MAGI1: variants seen among roughly 807,000 people sequenced by gnomAD.
MAGI1 encodes membrane-associated guanylate kinase, WW and PDZ domain-containing protein 1.
A neutral mutation model predicts 139.9 loss-of-function variants in MAGI1; 58 were observed. That is an observed-to-expected ratio of 0.41 (90% CI 0.34 to 0.52). MAGI1 has a LOEUF of 0.52. Ranked by LOEUF, MAGI1 falls within the 20% of genes least tolerant of loss-of-function variation. The pLI is 0.12. For synonymous variants in MAGI1, 812 were observed against 737.9 expected (o/e 1.10, Z -1.63); for missense variants, 1,874 against 1,901.6 (o/e 0.99, Z 0.27).
At chr3:65,449,958 A>C (rs1220846784) in intron 6 of MAGI1, among the ~76,000 whole-genome samples, 1 of 152,224 alleles carries the variant, frequency 6.6e-6, no homozygotes, top group Non-Finnish European at 1.5e-5. Context: ...AAGGATATGC[A>C]AAGTTTAATG....
intron 5 of MAGI1, among the ~76,000 whole-genome samples, chr3:65,455,199 T>A (rs1350654397): frequency 6.6e-6 from 1 of 152,094 alleles, no homozygotes; most frequent in Non-Finnish European, 1.5e-5. Flanking sequence ...CTAGAACCCA[T>A]CAATAATAAC....
intron 1 of MAGI1, among the ~76,000 whole-genome samples, chr3:65,845,259 AAAAGAG>A (rs970960212): frequency 4.6e-5 from 7 of 151,964 alleles, no homozygotes; most frequent in African/African-American, 9.7e-5. Flanking sequence ...CTCAAAAAAA[AAAAGAG>A]AAGAGAAGAG....
At chr3:65,580,907 CAG>C (rs2081388170) in intron 2 of MAGI1, among the ~76,000 whole-genome samples, 1 of 152,130 alleles carries the variant, frequency 6.6e-6, no homozygotes, top group Admixed American at 6.5e-5. Flanking sequence ...TCAAAATACC[CAG>C]AGTTAAACAA....
intron 1 of MAGI1, among the ~76,000 whole-genome samples, chr3:66,004,356 G>C (rs1170244211): frequency 6.6e-6 from 1 of 152,184 alleles, no homozygotes; most frequent in East Asian, 1.9e-4. Context: ...CGCATGTCTA[G>C]AGGTTGACAC....
chr3:65,741,583 C>T (rs1222652891), intron 1 of MAGI1, among the ~76,000 whole-genome samples: 1 of 152,200 alleles, frequency 6.6e-6, no homozygotes, highest in African/African-American at 2.4e-5. Flanking sequence ...TACAAAAGAA[C>T]TTAAAAACCT....
intron 1 of MAGI1, among the ~76,000 whole-genome samples, chr3:65,778,875 G>C (rs933776290): frequency 6.6e-6 from 1 of 152,226 alleles, no homozygotes; most frequent in Non-Finnish European, 1.5e-5. Flanking sequence ...ACCAGGGACA[G>C]TTATACCCCC....
At chr3:65,495,382 T>C (rs1952352195) in intron 2 of MAGI1, among the ~76,000 whole-genome samples, 1 of 152,214 alleles carries the variant, frequency 6.6e-6, no homozygotes, top group South Asian at 2.1e-4. Context: ...AATGAATTGA[T>C]AGAATCTTAC....
intron 5 of MAGI1, among the ~76,000 whole-genome samples, chr3:65,466,327 T>C (rs1364710615): frequency 6.6e-6 from 1 of 152,172 alleles, no homozygotes; most frequent in Non-Finnish European, 1.5e-5. Context: ...ATGGATTTTT[T>C]GGTATTACAT....
intron 7 of MAGI1, among the ~76,000 whole-genome samples, chr3:65,445,745 T>C (rs1948636448): frequency 6.6e-6 from 1 of 152,186 alleles, no homozygotes; most frequent in Non-Finnish European, 1.5e-5. Flanking sequence ...ATGGAGCAAC[T>C]GACCCAGCTC....
At chr3:65,517,775 T>C (rs1035779338) in intron 2 of MAGI1, among the ~76,000 whole-genome samples, 9 of 152,238 alleles carry the variant, frequency 5.9e-5, no homozygotes, top group Middle Eastern at 3.4e-3. Context: ...CCAAACTCTT[T>C]ATTTTGATCC....
In MAGI1 at chr3:65,530,674, C is replaced by CAT. The variant is rs754462110; in HGVS notation, c.431-37045_431-37044dup. On this transcript the variant is annotated intron_variant, in intron 2 of 22. Coordinates refer to ENST00000402939, the MANE Select transcript of MAGI1 (RefSeq NM_001033057.2). ...GTGTGTGTGTGTGTATATATATATA[C>CAT]ATATATATATACGTGTATATATATA... 6.2e-3 allele frequency among the ~76,000 whole-genome samples: 766 copies of CAT among 123,170 alleles called. 51 individuals are homozygous for CAT. Among genetic ancestry groups the CAT allele is most frequent in the Admixed American group, 0.06 (673 of 11,224 alleles). 80.8% of individuals were successfully genotyped at this position (123,170 alleles called of 152,430 possible).
intron 1 of MAGI1, among the ~76,000 whole-genome samples, chr3:65,691,866 G>A (rs1477603842): frequency 6.6e-6 from 1 of 152,160 alleles, no homozygotes; most frequent in Non-Finnish European, 1.5e-5. Context: ...AGGAAAATAA[G>A]TGCTTAAACC....
At chr3:65,986,809 T>C (rs57242204) in intron 1 of MAGI1, among the ~76,000 whole-genome samples, 16 of 152,190 alleles carry the variant, frequency 1.1e-4, no homozygotes, top group Admixed American at 2.6e-4. Context: ...TTGAGAATAA[T>C]GTAATTTTTA....
intron 1 of MAGI1, among the ~76,000 whole-genome samples, chr3:65,948,299 G>A (rs1247583371): frequency 6.6e-6 from 1 of 152,104 alleles, no homozygotes; most frequent in Admixed American, 6.6e-5. Context: ...CTCTGCCCTG[G>A]AATATTATAA....
chr3:65,998,121 A>C (rs1449173527), intron 1 of MAGI1, among the ~76,000 whole-genome samples: 1 of 151,774 alleles, frequency 6.6e-6, no homozygotes, highest in Non-Finnish European at 1.5e-5. Context: ...AAAAAAAAAA[A>C]CAAACAGTAG....
chr3:65,509,833 G>A (rs970743864), intron 2 of MAGI1, among the ~76,000 whole-genome samples: 2 of 152,080 alleles, frequency 1.3e-5, no homozygotes, highest in African/African-American at 4.8e-5. Context: ...GCCTCTGTAG[G>A]CTCCACCTCT....
intron 1 of MAGI1, among the ~76,000 whole-genome samples, chr3:65,689,630 C>T (rs948831971): frequency 1.3e-5 from 2 of 152,174 alleles, no homozygotes; most frequent in African/African-American, 4.8e-5. Context: ...GGGCTGGTTA[C>T]AGTTACATCG....
At chr3:65,984,637 C>T (rs1455463285) in intron 1 of MAGI1, among the ~76,000 whole-genome samples, 3 of 151,072 alleles carry the variant, frequency 2.0e-5, no homozygotes, top group Non-Finnish European at 2.9e-5. Context: ...TTAAGTGATC[C>T]TCCCACTTCA....
intron 4 of MAGI1, among the ~76,000 whole-genome samples, chr3:65,477,717 T>TATTATTATTATTATTA (rs370763213): frequency 1.6e-5 from 2 of 124,416 alleles, no homozygotes; most frequent in African/African-American, 6.5e-5. Flanking sequence ...TATTATTTTT[T>TATTATTATTATTATTA]TTTTTTTATT....
Sources: gnomAD v4.1 joint callset for allele counts (sites outside exome capture counted in the v4.1 genomes callset) on GRCh38, gnomAD v4.1.1 for gene constraint, MANE v1.5 for transcripts, NCBI Gene and HGNC (gene_info 2026-07-23, HGNC 2026-07-21) for gene names.